TBL1XR1: variants seen among roughly 807,000 people sequenced by gnomAD.
TBL1XR1 encodes the protein F-box-like/WD repeat-containing protein TBL1XR1.
Under a neutral mutation model 66.9 loss-of-function variants are expected in TBL1XR1, and 5 were observed. The ratio of observed to expected loss-of-function variants is 0.07; its 90% confidence interval spans 0.04 to 0.16. The LOEUF is 0.16. Ranked by LOEUF, TBL1XR1 falls within the 10% of genes least tolerant of loss-of-function variation. TBL1XR1 has a pLI of 1.00. For missense variants in TBL1XR1, 238 were observed against 623.2 expected (o/e 0.38, Z 6.58); for synonymous variants, 210 against 206.0 (o/e 1.02, Z -0.17).
chr3:177,077,508 T>C (rs1720837186), intron 2 of TBL1XR1, among the ~76,000 whole-genome samples: 1 of 152,152 alleles, frequency 6.6e-6, no homozygotes, highest in African/African-American at 2.4e-5. Context: ...ATCCAACACC[T>C]CTTACAGCCA....
intron 1 of TBL1XR1, among the ~76,000 whole-genome samples, chr3:177,100,860 G>T (rs540876113): frequency 7.9e-6 from 1 of 126,168 alleles, no homozygotes; most frequent in African/African-American, 2.8e-5. Flanking sequence ...CTTTTTCTTT[G>T]GTTTTTTTTT....
rs189066817 is a variant in TBL1XR1, at chr3:177,106,702, A to T, written c.-121-8161T>A. On this transcript the variant is annotated intron_variant, in intron 1 of 15. Coordinates refer to ENST00000457928, the MANE Select transcript of TBL1XR1 (RefSeq NM_024665.7). ...ATAATGCATATTAAATAACAGAAAT[A>T]AATTGTTATAAAGGAAGCTCCTTCC... Among the ~76,000 whole-genome samples, 107 of 152,274 alleles carry T rather than the reference A, an allele frequency of 7.0e-4. No homozygotes were observed. The Middle Eastern group carries it at 0.021, about 29-fold the overall frequency.
In TBL1XR1 at chr3:177,051,525, TCTC is replaced by T; in HGVS notation, c.403_405del (p.Glu135del). On this transcript the variant is annotated inframe_deletion, in exon 5 of 16. Transcript: ENST00000457928. ...TCACTTGCTATAGTATGTGCTCCATTCTCCTCCCCATTTGCTGTGTTTTCTCCA... is the reference window on the plus strand; with the variant it reads ...TCACTTGCTATAGTATGTGCTCCATTCTCCCCATTTGCTGTGTTTTCTCCA... 1.2e-6 allele frequency: 2 copies of T among 1,613,242 alleles called. No individual in the cohort carries two copies. The highest frequency in any genetic ancestry group is 1.1e-5 in the South Asian group (1 of 91,024).
Position 177,021,996 on chromosome 3 carries a change from GCA to G in TBL1XR1, c.*3500_*3501del, listed in dbSNP as rs754728314. 4 of 152,514 alleles carry G rather than the reference GCA, an allele frequency of 2.6e-5. No individual in the cohort carries two copies. Among genetic ancestry groups the G allele is most frequent in the Admixed American group, 6.6e-5 (1 of 15,254 alleles). The allele number at this position is 152,514 out of a possible 1,614,324, so 9.4% of individuals were successfully genotyped here. On this transcript the variant is annotated 3_prime_UTR_variant, in exon 16 of 16. Coordinates refer to ENST00000457928, the MANE Select transcript of TBL1XR1 (RefSeq NM_024665.7). ...TGTGATTCCTTTAAATAGCAAAAAT[GCA>G]CAGTCCTCTTTAGGCCTCTACTCAA...
intron 1 of TBL1XR1, among the ~76,000 whole-genome samples, chr3:177,185,005 CT>C (rs951763937): frequency 1.3e-5 from 2 of 152,172 alleles, no homozygotes; most frequent in African/African-American, 4.8e-5. Context: ...TTTCCCCCTT[CT>C]TTTGACCATC....
At chr3:177,128,701 C>T (rs1400877457) in intron 1 of TBL1XR1, among the ~76,000 whole-genome samples, 1 of 152,218 alleles carries the variant, frequency 6.6e-6, no homozygotes, top group Non-Finnish European at 1.5e-5. Flanking sequence ...CCACTTATGA[C>T]ACAGAGCAAA....
In TBL1XR1 at chr3:177,099,167, G is replaced by C. The variant is rs997873639; in HGVS notation, c.-121-626C>G. The stretch of plus-strand genomic sequence containing the variant: ...GGATCACCTGAGGTCAGGAATTCGA[G>C]ATCAGCCTGGCCAACATGGAGACAC... On this transcript the variant is annotated intron_variant, in intron 1 of 15. Coordinates refer to ENST00000457928, the MANE Select transcript of TBL1XR1 (RefSeq NM_024665.7). 2.0e-5 allele frequency among the ~76,000 whole-genome samples: 3 copies of C among 152,114 alleles called. No homozygotes were observed. In the East Asian group the frequency reaches 5.8e-4, roughly 29 times the overall value.
At chr3:177,148,582 C>T (rs1337784570) in intron 1 of TBL1XR1, among the ~76,000 whole-genome samples, 1 of 151,878 alleles carries the variant, frequency 6.6e-6, no homozygotes, top group East Asian at 1.9e-4. Flanking sequence ...GAGCATGGTG[C>T]CGCATGCCTG....
chr3:177,116,264 CA>C (rs1338974650), intron 1 of TBL1XR1, among the ~76,000 whole-genome samples: 5 of 152,160 alleles, frequency 3.3e-5, no homozygotes, highest in African/African-American at 1.2e-4. Flanking sequence ...TCTCCCACCC[CA>C]AACTTGTTCC....
intron 4 of TBL1XR1, 79 bp from the exon 5 acceptor site, chr3:177,051,805 G>T: frequency 7.5e-7 from 1 of 1,333,866 alleles, no homozygotes; most frequent in Non-Finnish European, 9.7e-7. Flanking sequence ...AATCAGAAAT[G>T]AAATGAAAAT....
intron 14 of TBL1XR1, among the ~76,000 whole-genome samples, chr3:177,030,722 T>G (rs894853293): frequency 6.6e-6 from 1 of 152,224 alleles, no homozygotes; most frequent in African/African-American, 2.4e-5. Flanking sequence ...AAAGTGAAAA[T>G]GAACAAATAC....
chr3:177,059,813 T>C (rs1156669477), intron 3 of TBL1XR1, among the ~76,000 whole-genome samples: 2 of 152,118 alleles, frequency 1.3e-5, no homozygotes, highest in East Asian at 1.9e-4. Context: ...CTAGAAGAGG[T>C]AGATCCACCC....
At chr3:177,083,769 TTTTTTGTTTTTG>T (rs552593305) in intron 2 of TBL1XR1, among the ~76,000 whole-genome samples, 1 of 152,012 alleles carries the variant, frequency 6.6e-6, no homozygotes, top group African/African-American at 2.4e-5. Flanking sequence ...GTAATGGTTT[TTTTTTGTTTTTG>T]TTTTTGTTTT....
rs1174326707 is a variant in TBL1XR1, at chr3:177,023,242, A to T, written c.*2256T>A. ...CAGTGCAATTGACAAATGCATCACT[A>T]AAGGAAAATGCAGCTTAAAAGATAC... is the stretch of plus-strand genomic sequence containing the variant. On this transcript the variant is annotated 3_prime_UTR_variant, in exon 16 of 16. Coordinates refer to ENST00000457928, the MANE Select transcript of TBL1XR1 (RefSeq NM_024665.7). 6.6e-6 allele frequency: 1 copy of T among 152,568 alleles called. No individual in the cohort carries two copies. The highest frequency in any genetic ancestry group is 2.1e-4 in the South Asian group (1 of 4,834). The allele number at this position is 152,568 out of a possible 1,614,324, so 9.5% of individuals were successfully genotyped here.
At chr3:177,196,929 G>A (rs1175843080) in intron 1 of TBL1XR1, among the ~76,000 whole-genome samples, 192 bp downstream of exon 1, 2 of 151,970 alleles carry the variant, frequency 1.3e-5, no homozygotes, top group Non-Finnish European at 2.9e-5. Context: ...GGGGGGATGG[G>A]GGCGCCCCAA....
rs1212674376 is a variant in TBL1XR1 at position 177,074,341 on chromosome 3, T to C, written c.-45-9319A>G. ...TAATTGCTGTGGATATATTAGAAGA[T>C]ATTCAAGCATAAGATAGGGTTTTCC... On this transcript the variant is annotated intron_variant, in intron 2 of 15. Coordinates refer to ENST00000457928, the MANE Select transcript of TBL1XR1 (RefSeq NM_024665.7). 1.3e-5 allele frequency among the ~76,000 whole-genome samples: 2 copies of C among 152,220 alleles called. 1 individual carries two copies. Among genetic ancestry groups the C allele is most frequent in the Middle Eastern group, 6.3e-3 (2 of 316 alleles).
At chr3:177,136,771 T>C (rs1729044050) in intron 1 of TBL1XR1, among the ~76,000 whole-genome samples, 2 of 151,512 alleles carry the variant, frequency 1.3e-5, no homozygotes. Flanking sequence ...ACAACCATAA[T>C]ACGGCGAAGA....
intron 2 of TBL1XR1, among the ~76,000 whole-genome samples, chr3:177,094,794 A>G (rs1225552454): frequency 6.6e-6 from 1 of 152,040 alleles, no homozygotes; most frequent in Non-Finnish European, 1.5e-5. Flanking sequence ...GCATAAGAAT[A>G]TACAATGGAC....
chr3:177,129,824 A>G lies in TBL1XR1; in HGVS notation c.-121-31283T>C, dbSNP rs370146376. ...AATATCAATAACTACAACCTCCATG[A>G]AGACAACCTGGCAGTGAAATTTAAA... On this transcript the variant is annotated intron_variant, in intron 1 of 15. Transcript: ENST00000457928. Among the ~76,000 whole-genome samples, 21 of 152,328 alleles carry G rather than the reference A, an allele frequency of 1.4e-4. No homozygotes were observed. In the South Asian group the frequency reaches 3.9e-3, roughly 29 times the overall value.
Sources: gnomAD v4.1 joint callset for allele counts (sites outside exome capture counted in the v4.1 genomes callset) on GRCh38, gnomAD v4.1.1 for gene constraint, MANE v1.5 for transcripts, NCBI Gene and HGNC (gene_info 2026-07-23, HGNC 2026-07-21) for gene names.